Variants in SPAG16 observed in about 807,000 individuals in gnomAD.
SPAG16 encodes the protein sperm-associated antigen 16 protein.
SPAG16 carries 86 observed loss-of-function variants against 80.4 expected under a neutral mutation model. That is an observed-to-expected ratio of 1.07 (90% CI 0.90 to 1.28). The LOEUF is 1.28. Among genes scored for constraint, SPAG16 ranks in the 50% most tolerant of loss-of-function variants. The probability of loss-of-function intolerance (pLI) is 0.00; values close to 1 mark genes in which losing one functional copy is unlikely to be tolerated. For missense variants in SPAG16, 870 were observed against 765.3 expected, an observed-to-expected ratio of 1.14 and a Z score of -1.61; for synonymous variants, 294 against 265.9, an observed-to-expected ratio of 1.11 and a Z score of -1.03.
At chr2:213,701,517 G>A (rs1559388228) in intron 10 of SPAG16, among the ~76,000 whole-genome samples, 2 of 152,088 alleles carry the variant, frequency 1.3e-5, no homozygotes, top group Admixed American at 1.3e-4. Context: ...GGCTGGCCAA[G>A]GCCAGAGCCA....
At chr2:213,675,941 A>T (rs1364334542) in intron 10 of SPAG16, among the ~76,000 whole-genome samples, 1 of 152,062 alleles carries the variant, frequency 6.6e-6, no homozygotes, top group African/African-American at 2.4e-5. Context: ...TGGTAGCTTG[A>T]TGGGGATGGC....
intron 10 of SPAG16, among the ~76,000 whole-genome samples, chr2:213,514,453 TA>T (rs1281286137): frequency 6.6e-6 from 1 of 152,202 alleles, no homozygotes; most frequent in African/African-American, 2.4e-5. Context: ...ATTAGAAATT[TA>T]TAATTTTGTC....
At chr2:214,103,278 G>A (rs2053182144) in intron 13 of SPAG16, among the ~76,000 whole-genome samples, 1 of 152,146 alleles carries the variant, frequency 6.6e-6, no homozygotes, top group South Asian at 2.1e-4. Flanking sequence ...AGGCAATATT[G>A]TGGAACCATC....
At chr2:213,902,494 A>G (rs533047773) in intron 11 of SPAG16, among the ~76,000 whole-genome samples, 36 of 152,272 alleles carry the variant, frequency 2.4e-4, no homozygotes, top group Non-Finnish European at 5.0e-4. Context: ...AAACCATCAG[A>G]TCTCATGAGA....
At chr2:213,927,988 AACT>A (rs2078565453) in intron 11 of SPAG16, among the ~76,000 whole-genome samples, 2 of 152,250 alleles carry the variant, frequency 1.3e-5, no homozygotes, top group South Asian at 2.1e-4. Context: ...TGTGCAAACC[AACT>A]ATTGTGGCAA....
At chr2:213,288,236 A>G (rs2062128568) in intron 1 of SPAG16, among the ~76,000 whole-genome samples, 1 of 152,096 alleles carries the variant, frequency 6.6e-6, no homozygotes, top group Non-Finnish European at 1.5e-5. Flanking sequence ...CTTAAGTAAC[A>G]GTTCTATCTA....
intron 13 of SPAG16, among the ~76,000 whole-genome samples, chr2:214,102,509 G>C (rs1163769757): frequency 6.6e-6 from 1 of 151,964 alleles, no homozygotes; most frequent in Non-Finnish European, 1.5e-5. Flanking sequence ...AGAAACCCAG[G>C]TTCCTTCCAG....
intron 13 of SPAG16, among the ~76,000 whole-genome samples, chr2:214,099,019 G>A (rs1404117584): frequency 6.6e-6 from 1 of 152,060 alleles, no homozygotes; most frequent in Non-Finnish European, 1.5e-5. Context: ...AGTCGTGTCT[G>A]TTGTTATTTG....
intron 9 of SPAG16, among the ~76,000 whole-genome samples, chr2:213,390,353 A>G (rs1053737876): frequency 6.6e-6 from 1 of 152,174 alleles, no homozygotes; most frequent in Non-Finnish European, 1.5e-5. Context: ...AGACCATTGA[A>G]CTGTATCCTA....
At chr2:213,381,195 G>A (rs964194275) in intron 9 of SPAG16, among the ~76,000 whole-genome samples, 1 of 152,124 alleles carries the variant, frequency 6.6e-6, no homozygotes, top group Non-Finnish European at 1.5e-5. Context: ...TTTATTCAGA[G>A]CCAATTTCTA....
At position 213,892,139 on chromosome 2, in the gene SPAG16, A is replaced by C. The variant is rs576947929; in HGVS notation, c.1214+29511A>C. 3.2e-4 allele frequency among the ~76,000 whole-genome samples: 49 copies of C among 152,268 alleles called. 1 individual carries two copies. Among genetic ancestry groups the C allele is most frequent in the Admixed American group, 2.6e-3 (40 of 15,264 alleles). On this transcript the variant is annotated intron_variant, in intron 11 of 15. Transcript: ENST00000331683. Reference sequence around the variant, plus strand: ...CCACACGAAAGGAGGTTCATCTAATAGGTCCCTAGAACACAAAACCCTAGA... The same window carrying C: ...CCACACGAAAGGAGGTTCATCTAATCGGTCCCTAGAACACAAAACCCTAGA...
At chr2:214,143,234 G>GTTTTTTTTTTTTTATTTTTTTTGTT (rs2055455742) in intron 14 of SPAG16, among the ~76,000 whole-genome samples, 1 of 112,670 alleles carries the variant, frequency 8.9e-6, no homozygotes, top group Non-Finnish European at 1.8e-5. Context: ...ATAGTTTTGG[G>GTTTTTTTTTTTTTATTTTTTTTGTT]TTTTTTTTTT....
At chr2:213,393,734 G>C (rs1038757480) in intron 9 of SPAG16, among the ~76,000 whole-genome samples, 1 of 151,800 alleles carries the variant, frequency 6.6e-6, no homozygotes, top group African/African-American at 2.4e-5. Flanking sequence ...CACACAGAGA[G>C]CTCCTACTAC....
intron 15 of SPAG16, among the ~76,000 whole-genome samples, chr2:214,226,162 T>C (rs1018903985): frequency 3.3e-5 from 5 of 152,136 alleles, no homozygotes; most frequent in Admixed American, 3.3e-4. Context: ...GGATCTCAGC[T>C]CTGCTTCTTC....
chr2:214,243,285 G>A (rs1689618686), intron 15 of SPAG16, among the ~76,000 whole-genome samples: 1 of 151,978 alleles, frequency 6.6e-6, no homozygotes, highest in Non-Finnish European at 1.5e-5. Context: ...TCTTTTCAGT[G>A]GTCCCTTAAG....
In SPAG16 at chr2:213,350,655, T is replaced by C. The variant is rs1193846706; in HGVS notation, c.762+10T>C. ...CAAAGTAGTTGGGCAGGTAAAGATA[T>C]AGTCAAAGCTAACTTAAAATGATCT... On this transcript the variant is annotated intron_variant, in intron 7 of 15. Coordinates refer to ENST00000331683, the MANE Select transcript of SPAG16 (RefSeq NM_024532.5). 5 of 1,414,224 alleles carry C rather than the reference T, an allele frequency of 3.5e-6. No homozygotes were observed. In the South Asian group the frequency reaches 3.9e-5, roughly 11 times the overall value. The allele number at this position is 1,414,224 out of a possible 1,614,324, so 87.6% of individuals were successfully genotyped here. A position where few individuals can be genotyped will look rare whatever the true frequency, so the allele number is the denominator to read the frequency against.
intron 7 of SPAG16, among the ~76,000 whole-genome samples, chr2:213,358,096 C>T (rs1575347080): frequency 6.6e-6 from 1 of 152,198 alleles, no homozygotes; most frequent in African/African-American, 2.4e-5. Context: ...CCACTCTCTT[C>T]TGGCTTGTAG....
intron 10 of SPAG16, among the ~76,000 whole-genome samples, chr2:213,654,493 G>A (rs1438075089): frequency 1.1e-4 from 15 of 137,868 alleles, no homozygotes; most frequent in South Asian, 2.3e-4. Context: ...TCAGAAGATC[G>A]AGACCAACCT....
intron 10 of SPAG16, among the ~76,000 whole-genome samples, chr2:213,686,305 GACGGGGTTTC>G (rs1185134391): frequency 6.6e-6 from 1 of 152,152 alleles, no homozygotes; most frequent in Non-Finnish European, 1.5e-5. Context: ...TTTTAGTAGA[GACGGGGTTTC>G]ACTATATTGG....
Sources: allele counts gnomAD v4.1 joint callset (sites outside exome capture counted in the v4.1 genomes callset), GRCh38; gene constraint gnomAD v4.1.1; transcripts MANE v1.5; gene names NCBI Gene and HGNC (gene_info 2026-07-23, HGNC 2026-07-21).